PTPRD: variants seen among roughly 807,000 people sequenced by gnomAD.
The protein encoded by PTPRD is receptor-type tyrosine-protein phosphatase delta.
In PTPRD, 34 loss-of-function variants were observed where a neutral mutation model predicts 214.5. That is an observed-to-expected ratio of 0.16 (90% CI 0.12 to 0.21). PTPRD has a LOEUF of 0.21. Ranked by LOEUF, PTPRD falls within the 10% of genes least tolerant of loss-of-function variation. The probability of loss-of-function intolerance (pLI) is 1.00; values close to 1 mark genes in which losing one functional copy is unlikely to be tolerated. For missense variants in PTPRD, 2,545 were observed against 2,398.7 expected (o/e 1.06, Z -1.27); for synonymous variants, 1,128 against 845.7 (o/e 1.33, Z -5.79).
intron 11 of PTPRD, among the ~76,000 whole-genome samples, chr9:8,820,072 G>A (rs898448415): frequency 6.6e-6 from 1 of 152,090 alleles, no homozygotes; most frequent in Admixed American, 6.6e-5. Context: ...TGTAAGAGCA[G>A]AGAAAAAGAT....
At chr9:10,550,904 T>C (rs531331160) in intron 2 of PTPRD, among the ~76,000 whole-genome samples, 10 of 152,352 alleles carry the variant, frequency 6.6e-5, no homozygotes, top group African/African-American at 1.4e-4. Flanking sequence ...ATGGTTCCCA[T>C]GGCCTTATTC....
At position 8,462,940 on chromosome 9, in the gene PTPRD, G is replaced by A. The variant is rs554368201; in HGVS notation, c.3715-2369C>T. On this transcript the variant is annotated intron_variant, in intron 32 of 45. Coordinates refer to ENST00000381196, the MANE Select transcript of PTPRD (RefSeq NM_002839.4). ...TTATATGCTTAAAGCAGCTAGCAAT[G>A]AACCTTGTACTTAGTGGGTTCTCAG... Among the ~76,000 whole-genome samples the A allele has an allele frequency of 2.4e-3, 359 of 151,986 alleles. 1 individual carries two copies. Among genetic ancestry groups the A allele is most frequent in the African/African-American group, 8.3e-3 (345 of 41,486 alleles).
Position 9,231,131 on chromosome 9 carries a change from A to G in PTPRD, c.-202-47768T>C, listed in dbSNP as rs181192834. 7.3e-3 allele frequency among the ~76,000 whole-genome samples: 1,115 copies of G among 152,282 alleles called. 11 individuals are homozygous for G. Among genetic ancestry groups the G allele is most frequent in the African/African-American group, 0.026 (1,085 of 41,558 alleles). ...CCGATTTTCATGTTGTTTTGGTAAC[A>G]GGCTTATATCTGCACTGTCTGCTAC... On this transcript the variant is annotated intron_variant, in intron 9 of 45. Coordinates refer to ENST00000381196, the MANE Select transcript of PTPRD (RefSeq NM_002839.4).
At chr9:10,281,677 T>C (rs1174147375) in intron 3 of PTPRD, among the ~76,000 whole-genome samples, 3 of 152,212 alleles carry the variant, frequency 2.0e-5, no homozygotes, top group African/African-American at 7.2e-5. Flanking sequence ...AGTTCTGCTA[T>C]TTTATACTAA....
chr9:9,539,738 G>A (rs1420429100), intron 8 of PTPRD, among the ~76,000 whole-genome samples: 24 of 151,812 alleles, frequency 1.6e-4, no homozygotes, highest in Admixed American at 1.6e-3. Context: ...AACTCTTTTA[G>A]GATGTTAGAA....
chr9:9,098,549 T>C (rs189588756), intron 10 of PTPRD, among the ~76,000 whole-genome samples: 3 of 152,332 alleles, frequency 2.0e-5, no homozygotes. Flanking sequence ...ATGCCTGGCC[T>C]GTTATTTCTT....
chr9:9,593,227 T>C (rs645202), intron 7 of PTPRD, among the ~76,000 whole-genome samples: 55,739 of 148,826 alleles, frequency 0.37, 10,819 homozygotes, highest in Non-Finnish European at 0.4. Flanking sequence ...TTCCCCCCCC[T>C]CAAAGAAAAG....
intron 4 of PTPRD, among the ~76,000 whole-genome samples, chr9:9,991,847 C>T (rs1357932715): frequency 6.8e-6 from 1 of 148,022 alleles, no homozygotes; most frequent in African/African-American, 2.6e-5. Flanking sequence ...CACACACACA[C>T]ACACACACAC....
chr9:9,470,325 A>C (rs1009486208), intron 8 of PTPRD, among the ~76,000 whole-genome samples: 7 of 152,194 alleles, frequency 4.6e-5, no homozygotes, highest in Non-Finnish European at 5.9e-5. Context: ...GAAGTACTGG[A>C]AACAGCAAGA....
intron 34 of PTPRD, among the ~76,000 whole-genome samples, chr9:8,447,399 T>A (rs1004863745): frequency 3.9e-5 from 6 of 152,230 alleles, no homozygotes; most frequent in African/African-American, 1.4e-4. Flanking sequence ...CATTCATTCT[T>A]CTTTCTGGTA....
At chr9:10,348,677 T>C (rs1008425489) in intron 2 of PTPRD, among the ~76,000 whole-genome samples, 4 of 152,172 alleles carry the variant, frequency 2.6e-5, no homozygotes, top group Non-Finnish European at 4.4e-5. Flanking sequence ...ATTTTAAAAA[T>C]CTTGTAAAGT....
At chr9:8,942,166 T>C (rs2099038040) in intron 11 of PTPRD, among the ~76,000 whole-genome samples, 1 of 152,108 alleles carries the variant, frequency 6.6e-6, no homozygotes, top group African/African-American at 2.4e-5. Flanking sequence ...GAAATTAGAG[T>C]CTGGTCGATA....
At chr9:9,099,141 A>C (rs2099787844) in intron 10 of PTPRD, among the ~76,000 whole-genome samples, 1 of 152,238 alleles carries the variant, frequency 6.6e-6, no homozygotes, top group Admixed American at 6.5e-5. Context: ...ACCTTTAAAA[A>C]GACAATACAG....
chr9:10,445,386 T>G (rs1191973501), intron 2 of PTPRD, among the ~76,000 whole-genome samples: 1 of 152,008 alleles, frequency 6.6e-6, no homozygotes. Flanking sequence ...ACAGGGAAAC[T>G]AATGAGGACA....
intron 8 of PTPRD, among the ~76,000 whole-genome samples, chr9:9,400,521 C>CA (rs753091054): frequency 3.3e-5 from 5 of 150,782 alleles, no homozygotes; most frequent in Non-Finnish European, 5.9e-5. Flanking sequence ...TTTATCTAAC[C>CA]AAAAAAAAAG....
intron 3 of PTPRD, among the ~76,000 whole-genome samples, chr9:10,212,343 C>A (rs574615769): frequency 6.6e-6 from 1 of 151,980 alleles, no homozygotes; most frequent in African/African-American, 2.4e-5. Flanking sequence ...TAAGCATAAA[C>A]GTGTAGCTAA....
At chr9:9,058,468 T>TTTTTTTTTTTG in intron 10 of PTPRD, among the ~76,000 whole-genome samples, 1 of 103,710 alleles carries the variant, frequency 9.6e-6, no homozygotes, top group Non-Finnish European at 1.8e-5. Context: ...TTTTTTTTTT[T>TTTTTTTTTTTG]GAGACGGAGT....
At chr9:8,622,855 T>C (rs566053503) in intron 14 of PTPRD, among the ~76,000 whole-genome samples, 2 of 152,068 alleles carry the variant, frequency 1.3e-5, no homozygotes, top group South Asian at 4.1e-4. Context: ...TCAAGAAATT[T>C]TGGCTGGTAG....
At chr9:9,628,888 T>C (rs571459055) in intron 7 of PTPRD, among the ~76,000 whole-genome samples, 72 of 151,986 alleles carry the variant, frequency 4.7e-4, no homozygotes, top group Middle Eastern at 3.4e-3. Flanking sequence ...AAAATATACA[T>C]AGTGGCCAGG....
Sources: allele counts gnomAD v4.1 joint callset (sites outside exome capture counted in the v4.1 genomes callset), GRCh38; gene constraint gnomAD v4.1.1; transcripts MANE v1.5; gene names NCBI Gene and HGNC (gene_info 2026-07-23, HGNC 2026-07-21).